FHIT: variants seen among roughly 807,000 people sequenced by gnomAD.
FHIT encodes the protein fragile histidine triad diadenosine triphosphatase, also known as bis(5'-adenosyl)-triphosphatase.
In FHIT, 19 loss-of-function variants were observed where a neutral mutation model predicts 17.9. The observed-to-expected ratio is 1.06, with a 90% confidence interval of 0.74 to 1.56. The LOEUF (loss-of-function observed/expected upper bound fraction) is 1.56. FHIT is among the 40% of genes most tolerant of loss of function. FHIT has a pLI of 0.00. For missense variants in FHIT, 248 were observed against 189.2 expected, an observed-to-expected ratio of 1.31 and a Z score of -1.82; for synonymous variants, 81 against 69.7, an observed-to-expected ratio of 1.16 and a Z score of -0.81.
At chr3:60,477,217 G>C (rs1283225395) in intron 5 of FHIT, among the ~76,000 whole-genome samples, 21 of 150,528 alleles carry the variant, frequency 1.4e-4, no homozygotes, top group Non-Finnish European at 4.4e-5. Flanking sequence ...TTTTTTTTCA[G>C]TTCTTATTCT....
intron 5 of FHIT, among the ~76,000 whole-genome samples, chr3:60,206,429 T>C (rs1361492678): frequency 6.6e-6 from 1 of 152,114 alleles, no homozygotes; most frequent in Non-Finnish European, 1.5e-5. Flanking sequence ...CTGGCAAATC[T>C]GGGTAGATGT....
At position 60,106,764 on chromosome 3, in the gene FHIT, A is replaced by G. The variant is rs146248429; in HGVS notation, c.104-92612T>C. On this transcript the variant is annotated intron_variant, in intron 5 of 9. Coordinates refer to ENST00000492590, the MANE Select transcript of FHIT (RefSeq NM_002012.4). ...TTCAGGAGTGAATCCAAAAGCCACA[A>G]TATTGATGGACGGCAGGAAACGTCC... Among the ~76,000 whole-genome samples, 180 of 152,318 alleles carry G rather than the reference A, an allele frequency of 1.2e-3. 1 individual carries two copies. Among genetic ancestry groups the G allele is most frequent in the Middle Eastern group, 0.01 (3 of 294 alleles).
intron 8 of FHIT, among the ~76,000 whole-genome samples, chr3:59,763,278 C>T (rs1701620151): frequency 6.6e-6 from 1 of 152,192 alleles, no homozygotes; most frequent in Admixed American, 6.5e-5. Flanking sequence ...AGGAAACTCT[C>T]CAAGGAGAAA....
At chr3:60,106,930 C>G (rs2107162488) in intron 5 of FHIT, among the ~76,000 whole-genome samples, 1 of 152,232 alleles carries the variant, frequency 6.6e-6, no homozygotes, top group East Asian at 1.9e-4. Flanking sequence ...CTTGTGAAAA[C>G]TGCTCTTTAA....
chr3:60,700,896 T>A (rs1331478864), intron 4 of FHIT, among the ~76,000 whole-genome samples: 1 of 152,156 alleles, frequency 6.6e-6, no homozygotes, highest in Admixed American at 6.5e-5. Flanking sequence ...TCCCTAGCCA[T>A]TTTTCTCAAA....
intron 5 of FHIT, among the ~76,000 whole-genome samples, chr3:60,509,933 C>T (rs1438192832): frequency 6.6e-6 from 1 of 152,192 alleles, no homozygotes; most frequent in Non-Finnish European, 1.5e-5. Context: ...TCAACCTTTG[C>T]CAACATTATC....
At chr3:60,900,970 G>A (rs1395795267) in intron 3 of FHIT, among the ~76,000 whole-genome samples, 1 of 152,116 alleles carries the variant, frequency 6.6e-6, no homozygotes, top group Non-Finnish European at 1.5e-5. Context: ...TAGAGACGAA[G>A]TTTCACTGTG....
rs557380214 is a variant in FHIT, at chr3:61,037,960, C to T, written c.-111+4087G>A. 7.2e-5 allele frequency among the ~76,000 whole-genome samples: 11 copies of T among 152,274 alleles called. No individual in the cohort carries two copies. In the South Asian group the frequency reaches 8.3e-4, roughly 11 times the overall value. On this transcript the variant is annotated intron_variant, in intron 3 of 9. Transcript: ENST00000492590. ...AAATCTAAGTCAAGGAAAAGAAGTGCGCTCCAAACAGTCCTAGTCAGTCAG... is the reference window on the plus strand; with the variant it reads ...AAATCTAAGTCAAGGAAAAGAAGTGTGCTCCAAACAGTCCTAGTCAGTCAG...
At chr3:60,308,345 G>C (rs1011411228) in intron 5 of FHIT, among the ~76,000 whole-genome samples, 1 of 150,754 alleles carries the variant, frequency 6.6e-6, no homozygotes, top group African/African-American at 2.4e-5. Flanking sequence ...CCACTATTGG[G>C]CCTGACTTTC....
chr3:60,863,349 C>T (rs560544873), intron 3 of FHIT, among the ~76,000 whole-genome samples: 2 of 152,154 alleles, frequency 1.3e-5, no homozygotes, highest in African/African-American at 4.8e-5. Flanking sequence ...GCTGCTGATA[C>T]CTCGATTTTA....
At chr3:60,837,884 C>T (rs1161645770) in intron 3 of FHIT, among the ~76,000 whole-genome samples, 6 of 152,042 alleles carry the variant, frequency 3.9e-5, no homozygotes, top group African/African-American at 9.7e-5. Context: ...ACCCTATCTC[C>T]GCACTTTGCA....
chr3:60,327,207 A>C (rs1165182931), intron 5 of FHIT, among the ~76,000 whole-genome samples: 2 of 152,236 alleles, frequency 1.3e-5, no homozygotes, highest in Non-Finnish European at 2.9e-5. Flanking sequence ...CCCACAACAA[A>C]ATGTGCTCCA....
chr3:60,905,418 C>T (rs925013416), intron 3 of FHIT, among the ~76,000 whole-genome samples: 1 of 152,078 alleles, frequency 6.6e-6, no homozygotes, highest in Non-Finnish European at 1.5e-5. Flanking sequence ...TGTCTATTTC[C>T]TTTTCTATCT....
chr3:60,972,469 C>G (rs6769615), intron 3 of FHIT, among the ~76,000 whole-genome samples: 33,647 of 151,084 alleles, frequency 0.22, 4,211 homozygotes, highest in African/African-American at 0.34. Flanking sequence ...GAAAATATAT[C>G]TTTTTTCCTT....
intron 5 of FHIT, among the ~76,000 whole-genome samples, chr3:60,125,222 A>G (rs1705486777): frequency 6.6e-6 from 1 of 152,212 alleles, no homozygotes. Flanking sequence ...TTGCTCTCTT[A>G]CCAGCTGTAC....
chr3:61,148,372 T>C (rs556706190), intron 2 of FHIT, among the ~76,000 whole-genome samples: 167 of 152,244 alleles, frequency 1.1e-3, no homozygotes, highest in African/African-American at 4.0e-3. Context: ...CTAGCAATAG[T>C]CTCCTAGCTC....
At chr3:60,051,628 C>G (rs113818841) in intron 5 of FHIT, among the ~76,000 whole-genome samples, 1 of 152,232 alleles carries the variant, frequency 6.6e-6, no homozygotes, top group Admixed American at 6.5e-5. Context: ...ACCTGGAAAT[C>G]TGAGTATCTA....
At chr3:60,033,362 C>T (rs577839590) in intron 5 of FHIT, among the ~76,000 whole-genome samples, 3 of 151,870 alleles carry the variant, frequency 2.0e-5, no homozygotes, top group Non-Finnish European at 2.9e-5. Context: ...GGCGTGGTGG[C>T]GCATGCCTGT....
At chr3:60,403,074 G>T (rs1433345363) in intron 5 of FHIT, among the ~76,000 whole-genome samples, 2 of 152,210 alleles carry the variant, frequency 1.3e-5, no homozygotes, top group East Asian at 3.8e-4. Flanking sequence ...CTAGTCTACA[G>T]AGAAGATAAT....
Sources: gnomAD v4.1 joint callset for allele counts (sites outside exome capture counted in the v4.1 genomes callset) on GRCh38, gnomAD v4.1.1 for gene constraint, MANE v1.5 for transcripts, NCBI Gene and HGNC (gene_info 2026-07-23, HGNC 2026-07-21) for gene names.